Variants in ESRRB observed in about 807,000 individuals in gnomAD.
ESRRB encodes the protein steroid hormone receptor ERR2.
In ESRRB, 16 loss-of-function variants were observed where a neutral mutation model predicts 46.0. The observed-to-expected ratio is 0.35, with a 90% confidence interval of 0.24 to 0.53. ESRRB has a LOEUF of 0.53. Ranked by LOEUF, ESRRB falls within the 20% of genes least tolerant of loss-of-function variation. The pLI, the probability that ESRRB is intolerant of heterozygous loss-of-function variation, is 0.93. For missense variants in ESRRB, 488 were observed against 607.4 expected, an observed-to-expected ratio of 0.80 and a Z score of 2.07; for synonymous variants, 246 against 259.6, an observed-to-expected ratio of 0.95 and a Z score of 0.50.
intron 1 of ESRRB, among the ~76,000 whole-genome samples, chr14:76,352,859 C>T (rs148804221): frequency 1.3e-5 from 2 of 152,332 alleles, no homozygotes; most frequent in Admixed American, 6.5e-5. Flanking sequence ...TCCGCCCCCA[C>T]GCGCACACAG....
At chr14:76,392,749 G>A (rs1885519101) in intron 1 of ESRRB, among the ~76,000 whole-genome samples, 1 of 152,382 alleles carries the variant, frequency 6.6e-6, no homozygotes, top group Non-Finnish European at 1.5e-5. Context: ...CAGTATGGCT[G>A]TGGAGAGGGT....
At chr14:76,320,605 T>C (rs1474670667) in intron 1 of ESRRB, among the ~76,000 whole-genome samples, 1 of 152,178 alleles carries the variant, frequency 6.6e-6, no homozygotes, top group Non-Finnish European at 1.5e-5. Context: ...GATGTACTAA[T>C]GAGAGAAATG....
At chr14:76,423,163 TGA>T (rs1414911352) in intron 1 of ESRRB, among the ~76,000 whole-genome samples, 2 of 132,160 alleles carry the variant, frequency 1.5e-5, no homozygotes, top group African/African-American at 5.6e-5. Flanking sequence ...TTTTTTTTTT[TGA>T]GAGAGTCTCA....
intron 1 of ESRRB, among the ~76,000 whole-genome samples, chr14:76,405,854 G>T (rs538570275): frequency 6.6e-6 from 1 of 152,172 alleles, no homozygotes; most frequent in Admixed American, 6.5e-5. Context: ...AGGAGTTTCA[G>T]GTTACAGTGA....
chr14:76,416,174 C>G (rs57868501), intron 1 of ESRRB, among the ~76,000 whole-genome samples: 2,998 of 136,624 alleles, frequency 0.022, 99 homozygotes, highest in African/African-American at 0.081. Flanking sequence ...TTGGCTCTGT[C>G]ACACAGGCTA....
chr14:76,341,253 G>C (rs1029315844), intron 1 of ESRRB, among the ~76,000 whole-genome samples: 3 of 152,234 alleles, frequency 2.0e-5, no homozygotes, highest in African/African-American at 7.2e-5. Flanking sequence ...ACGTTGCCCA[G>C]ACAGCCCCCA....
In ESRRB at chr14:76,408,591, C is replaced by CAAA. The variant is rs35955826; in HGVS notation, c.51-30725_51-30723dup. Among the ~76,000 whole-genome samples, 28 of 42,148 alleles carry CAAA rather than the reference C, an allele frequency of 6.6e-4. 1 individual carries two copies. Among genetic ancestry groups the CAAA allele is most frequent in the African/African-American group, 2.2e-3 (21 of 9,434 alleles). The allele number at this position is 42,148 out of a possible 152,430, so 27.7% of individuals were successfully genotyped here. A position where few individuals can be genotyped will look rare whatever the true frequency, so the allele number is the denominator to read the frequency against. The stretch of plus-strand genomic sequence containing the variant: ...TGGGTGACAGAGTGAGACCCTGTCT[C>CAAA]AAAAAAAAAAAAAAAAAAAAAAAAA... On this transcript the variant is annotated intron_variant, in intron 1 of 6. Coordinates refer to ENST00000644823, the MANE Select transcript of ESRRB (RefSeq NM_001379180.1).
chr14:76,488,806 G>A (rs561078922), intron 5 of ESRRB, among the ~76,000 whole-genome samples: 1 of 152,138 alleles, frequency 6.6e-6, no homozygotes, highest in Non-Finnish European at 1.5e-5. Flanking sequence ...CCAGACTCTT[G>A]TTTGGCCCAC....
At chr14:76,353,000 G>T (rs967034822) in intron 1 of ESRRB, among the ~76,000 whole-genome samples, 3 of 151,146 alleles carry the variant, frequency 2.0e-5, no homozygotes, top group Non-Finnish European at 3.0e-5. Context: ...CCGCGCGCAG[G>T]GTCGCCGGGT....
At chr14:76,369,950 T>G (rs1460935321), upstream of ESRRB, among the ~76,000 whole-genome samples, 1 of 152,248 alleles carries the variant, frequency 6.6e-6, no homozygotes, top group African/African-American at 2.4e-5. Context: ...GCAAAGAAAC[T>G]GTTTATTCTT....
Position 76,500,791 on chromosome 14 carries a change from C to T in ESRRB, c.*2333C>T, listed in dbSNP as rs904991711. 3.7e-5 allele frequency: 58 copies of T among 1,552,432 alleles called. No individual in the cohort carries two copies. The Admixed American group carries it at 5.7e-4, about 15-fold the overall frequency. ...CACCTCACTGGATCTAGTGTTGCTG[C>T]GAGTGACCTCACTTCAGAGCCCCTC... On this transcript the variant is annotated 3_prime_UTR_variant, in exon 7 of 7. Coordinates refer to ENST00000644823, the MANE Select transcript of ESRRB (RefSeq NM_001379180.1).
chr14:76,423,197 A>G (rs1208877555), intron 1 of ESRRB, among the ~76,000 whole-genome samples: 1 of 136,176 alleles, frequency 7.3e-6, no homozygotes, highest in Non-Finnish European at 1.5e-5. Context: ...AGGCTGGAGT[A>G]TAGTGGCTCA....
intron 1 of ESRRB, among the ~76,000 whole-genome samples, chr14:76,339,150 G>A (rs1884161375): frequency 6.6e-6 from 1 of 152,078 alleles, no homozygotes; most frequent in Non-Finnish European, 1.5e-5. Flanking sequence ...TAAATAATGT[G>A]TATATCATAT....
chr14:76,455,842 G>A (rs1308811556), intron 2 of ESRRB, among the ~76,000 whole-genome samples: 2 of 151,984 alleles, frequency 1.3e-5, no homozygotes, highest in Non-Finnish European at 2.9e-5. Flanking sequence ...TCAGGAGTTC[G>A]AGACCAGCCT....
At chr14:76,442,908 G>C (rs147135572) in intron 2 of ESRRB, among the ~76,000 whole-genome samples, 1,974 of 148,074 alleles carry the variant, frequency 0.013, 43 homozygotes, top group African/African-American at 0.047. Flanking sequence ...TCCACCTCCT[G>C]GGTTCAAGTG....
intron 1 of ESRRB, among the ~76,000 whole-genome samples, chr14:76,385,203 T>G (rs1194617418): frequency 2.2e-5 from 3 of 136,342 alleles, no homozygotes; most frequent in Non-Finnish European, 4.9e-5. Context: ...TCATAGTTTC[T>G]TTTCCTCAGG....
intron 3 of ESRRB, among the ~76,000 whole-genome samples, chr14:76,464,765 A>G (rs1384916062): frequency 1.3e-5 from 2 of 152,140 alleles, no homozygotes; most frequent in Non-Finnish European, 2.9e-5. Context: ...CTAGTGGCTG[A>G]ACTGGGTCCC....
At chr14:76,346,652 C>G (rs1884254105) in intron 1 of ESRRB, among the ~76,000 whole-genome samples, 1 of 152,162 alleles carries the variant, frequency 6.6e-6, no homozygotes, top group Non-Finnish European at 1.5e-5. Flanking sequence ...CCGGCTGTGC[C>G]CAGGCACCTC....
chr14:76,379,954 T>C (rs1418423369), intron 1 of ESRRB, among the ~76,000 whole-genome samples: 1 of 151,500 alleles, frequency 6.6e-6, no homozygotes, highest in Non-Finnish European at 1.5e-5. Flanking sequence ...AATATTCCAT[T>C]TAGTCTGGGA....
Sources: allele counts gnomAD v4.1 joint callset (sites outside exome capture counted in the v4.1 genomes callset), GRCh38; gene constraint gnomAD v4.1.1; transcripts MANE v1.5; gene names NCBI Gene and HGNC (gene_info 2026-07-23, HGNC 2026-07-21).